Variants in UNC5D observed in about 807,000 individuals in gnomAD.
UNC5D encodes unc-5 netrin receptor D.
Under a neutral mutation model 105.4 loss-of-function variants are expected in UNC5D, and 39 were observed. The observed-to-expected ratio is 0.37, with a 90% CI of 0.29 to 0.48. The LOEUF (loss-of-function observed/expected upper bound fraction) is 0.48. UNC5D is among the 20% of genes least tolerant of loss of function. The probability of loss-of-function intolerance (pLI) is 0.98; values close to 1 mark genes in which losing one functional copy is unlikely to be tolerated. For synonymous variants in UNC5D, 452 were observed against 450.4 expected (o/e 1.00, Z -0.04); for missense variants, 991 against 1,202.4 (o/e 0.82, Z 2.60).
At chr8:35,273,572 A>G (rs1209958559) in intron 1 of UNC5D, among the ~76,000 whole-genome samples, 1 of 152,188 alleles carries the variant, frequency 6.6e-6, no homozygotes, top group African/African-American at 2.4e-5. Flanking sequence ...AGTTTTCTTT[A>G]TGTTTAGAAA....
intron 1 of UNC5D, among the ~76,000 whole-genome samples, chr8:35,375,139 A>T (rs1417803641): frequency 6.6e-6 from 1 of 152,216 alleles, no homozygotes; most frequent in Admixed American, 6.5e-5. Context: ...AGTACAATCC[A>T]GAGCGGGGAA....
At chr8:35,426,755 A>T (rs1427882983) in intron 1 of UNC5D, among the ~76,000 whole-genome samples, 4 of 152,124 alleles carry the variant, frequency 2.6e-5, no homozygotes. Flanking sequence ...AACAGCAGGG[A>T]GATTTAGGCT....
intron 1 of UNC5D, among the ~76,000 whole-genome samples, chr8:35,547,167 T>G (rs1167194951): frequency 2.0e-5 from 3 of 152,178 alleles, no homozygotes; most frequent in African/African-American, 7.2e-5. Context: ...TAGGAGCCAT[T>G]TACTAACTTG....
chr8:35,503,540 G>A (rs974230390), intron 1 of UNC5D, among the ~76,000 whole-genome samples: 2 of 152,188 alleles, frequency 1.3e-5, no homozygotes, highest in African/African-American at 4.8e-5. Context: ...TGGGGACACA[G>A]CCAAACCATA....
intron 4 of UNC5D, among the ~76,000 whole-genome samples, chr8:35,619,555 T>A (rs2131020354): frequency 6.6e-6 from 1 of 152,316 alleles, no homozygotes; most frequent in East Asian, 1.9e-4. Flanking sequence ...CTTCTCAAGC[T>A]TTATGTGTCT....
At chr8:35,533,755 C>A (rs1004420388) in intron 1 of UNC5D, among the ~76,000 whole-genome samples, 1 of 152,166 alleles carries the variant, frequency 6.6e-6, no homozygotes, top group African/African-American at 2.4e-5. Context: ...CGTGGTTCGC[C>A]GTTTTTTTAG....
intron 1 of UNC5D, among the ~76,000 whole-genome samples, chr8:35,500,831 C>T (rs1043505373): frequency 2.8e-4 from 42 of 152,276 alleles, no homozygotes; most frequent in African/African-American, 9.9e-4. Context: ...GGATATTTTC[C>T]ACATTTAGGG....
At chr8:35,325,447 G>C (rs549729882) in intron 1 of UNC5D, among the ~76,000 whole-genome samples, 3 of 152,264 alleles carry the variant, frequency 2.0e-5, no homozygotes, top group African/African-American at 7.2e-5. Flanking sequence ...AAAAACCTAA[G>C]AATGACATGG....
chr8:35,298,588 T>G (rs1003515347), intron 1 of UNC5D, among the ~76,000 whole-genome samples: 53 of 142,898 alleles, frequency 3.7e-4, no homozygotes, highest in African/African-American at 1.2e-3. Context: ...TGTTGTAGGT[T>G]TTTTTTTTTT....
intron 1 of UNC5D, among the ~76,000 whole-genome samples, chr8:35,527,117 T>A (rs568531923): frequency 4.6e-5 from 7 of 152,174 alleles, no homozygotes; most frequent in African/African-American, 1.7e-4. Flanking sequence ...GCTTTTTGGT[T>A]ATTTTTTTTT....
At chr8:35,451,285 C>A (rs112810544) in intron 1 of UNC5D, among the ~76,000 whole-genome samples, 1 of 152,034 alleles carries the variant, frequency 6.6e-6, no homozygotes, top group Admixed American at 6.5e-5. Flanking sequence ...TCAGGTGATC[C>A]GCCTGCCTCA....
rs548702956 is a variant in UNC5D at position 35,774,926 on chromosome 8, C to CAAAAAAA, written c.2657+458_2657+464dup. On this transcript the variant is annotated intron_variant, in intron 16 of 16. Transcript: ENST00000404895. ...TGGGCAACAGAGTAAGACCCTCCTC[C>CAAAAAAA]AAAAAAAAAAAAAAAGACACTCTGT... 1.9e-4 allele frequency among the ~76,000 whole-genome samples: 23 copies of CAAAAAAA among 120,368 alleles called. 2 individuals are homozygous for CAAAAAAA. The highest frequency in any genetic ancestry group is 8.3e-4 in the African/African-American group (22 of 26,594). The allele number at this position is 120,368 out of a possible 152,430, so 79.0% of individuals were successfully genotyped here.
chr8:35,753,935 G>A (rs1830400192), intron 13 of UNC5D, among the ~76,000 whole-genome samples: 2 of 152,150 alleles, frequency 1.3e-5, no homozygotes, highest in Admixed American at 1.3e-4. Flanking sequence ...CTTGCTTTCT[G>A]GATTTTTACT....
intron 1 of UNC5D, among the ~76,000 whole-genome samples, chr8:35,328,229 A>ATTTT (rs778929368): frequency 1.3e-5 from 2 of 151,734 alleles, no homozygotes; most frequent in Non-Finnish European, 2.9e-5. Context: ...ACTTTATTTT[A>ATTTT]TTTATTTATT....
At chr8:35,264,792 A>T (rs1804742268) in intron 1 of UNC5D, among the ~76,000 whole-genome samples, 1 of 152,096 alleles carries the variant, frequency 6.6e-6, no homozygotes, top group South Asian at 2.1e-4. Flanking sequence ...TATAAAGTAC[A>T]AATTGCCTCT....
chr8:35,301,946 A>C (rs1027700240), intron 1 of UNC5D, among the ~76,000 whole-genome samples: 2 of 152,164 alleles, frequency 1.3e-5, no homozygotes, highest in African/African-American at 4.8e-5. Context: ...AGTAAGTCTA[A>C]AATTATTCGA....
chr8:35,619,036 A>G (rs1821193760), intron 4 of UNC5D, among the ~76,000 whole-genome samples: 3 of 152,202 alleles, frequency 2.0e-5, no homozygotes. Flanking sequence ...ATTTCAATTT[A>G]TTTAATAAAT....
intron 13 of UNC5D, among the ~76,000 whole-genome samples, chr8:35,755,478 ATGTGTGTG>A (rs140830705): frequency 2.0e-5 from 3 of 150,394 alleles, no homozygotes; most frequent in African/African-American, 2.4e-5. Context: ...ATTTGTGTGT[ATGTGTGTG>A]TGTGTGTGTG....
intron 1 of UNC5D, among the ~76,000 whole-genome samples, chr8:35,354,068 T>C (rs1231743046): frequency 6.6e-5 from 10 of 152,146 alleles, no homozygotes; most frequent in Admixed American, 3.3e-4. Context: ...TTAATGTGAC[T>C]GCCTACAGCA....
Sources: allele counts gnomAD v4.1 joint callset (sites outside exome capture counted in the v4.1 genomes callset), GRCh38; gene constraint gnomAD v4.1.1; transcripts MANE v1.5; gene names NCBI Gene and HGNC (gene_info 2026-07-23, HGNC 2026-07-21).